The following ZNF329 variants were observed in gnomAD, a reference collection of about 807,000 sequenced individuals.
The protein encoded by ZNF329 is zinc finger protein 329.
In ZNF329, 15 loss-of-function variants were observed where a neutral mutation model predicts 26.6. The ratio of observed to expected loss-of-function variants is 0.56; its 90% CI spans 0.38 to 0.87. The LOEUF (loss-of-function observed/expected upper bound fraction) is 0.87, where lower values mean the gene tolerates loss of function less well. ZNF329 is among the 40% of genes least tolerant of loss of function. ZNF329 has a pLI of 0.00. For missense variants in ZNF329, 651 were observed against 651.9 expected, an observed-to-expected ratio of 1.00 and a Z score of 0.02; for synonymous variants, 239 against 233.5, an observed-to-expected ratio of 1.02 and a Z score of -0.21.
At chr19:58,132,870 T>A (rs2074979782) in intron 3 of ZNF329, among the ~76,000 whole-genome samples, 1 of 151,884 alleles carries the variant, frequency 6.6e-6, no homozygotes, top group South Asian at 2.1e-4. Flanking sequence ...TGGAGTGCAG[T>A]GGTGCGATCT....
intron 3 of ZNF329, among the ~76,000 whole-genome samples, chr19:58,134,047 A>T (rs1036842438): frequency 3.9e-5 from 6 of 152,216 alleles, no homozygotes; most frequent in Admixed American, 3.9e-4. Context: ...TTAAAAGAAT[A>T]AATGTAGTAT....
intron 1 of ZNF329, among the ~76,000 whole-genome samples, chr19:58,147,838 C>A (rs1424486861): frequency 6.6e-6 from 1 of 150,944 alleles, no homozygotes; most frequent in East Asian, 1.9e-4. Context: ...TGCCCAGCCG[C>A]CCCTACTGGG....
chr19:58,144,512 C>T (rs2075263093), intron 1 of ZNF329, among the ~76,000 whole-genome samples: 3 of 151,576 alleles, frequency 2.0e-5, no homozygotes, highest in South Asian at 4.2e-4. Context: ...CTCAGCCTCC[C>T]GAGTAGTTGG....
chr19:58,129,520 A>T lies in ZNF329; in HGVS notation c.-8-9T>A. ...CAATCTCATATCCCAAACTGCAAAA[A>T]GAAGAAAAATGCAGACTTAGGTATA... On this transcript the variant is annotated splice_polypyrimidine_tract_variant and intron_variant, in intron 3 of 3. Coordinates refer to ENST00000598312, the MANE Select transcript of ZNF329 (RefSeq NM_024620.4). The T allele has an allele frequency of 6.4e-7, 1 of 1,565,016 alleles. No homozygotes were observed. The highest frequency in any genetic ancestry group is 8.6e-7 in the Non-Finnish European group (1 of 1,157,550).
chr19:58,149,611 A>G (rs1485137819), intron 1 of ZNF329, among the ~76,000 whole-genome samples: 1 of 152,228 alleles, frequency 6.6e-6, no homozygotes, highest in Non-Finnish European at 1.5e-5. Context: ...GTAAACAAGC[A>G]GTAGAATGGA....
intron 3 of ZNF329, among the ~76,000 whole-genome samples, chr19:58,131,134 T>C (rs950594757): frequency 2.6e-5 from 4 of 151,914 alleles, no homozygotes; most frequent in Non-Finnish European, 5.9e-5. Flanking sequence ...TGTGTGTGTG[T>C]GTGTGTGCGC....
Position 58,145,291 on chromosome 19 carries a change from CA to C in ZNF329, c.-207-2094del, listed in dbSNP as rs993992242. ...GGCGTGAGCCACCACTACATCAAGCCAAAAAAAATTTCTTTTTTCTTCCTTT... is the reference window on the plus strand; with the variant it reads ...GGCGTGAGCCACCACTACATCAAGCCAAAAAAATTTCTTTTTTCTTCCTTT... On this transcript the variant is annotated intron_variant, in intron 1 of 3. Coordinates refer to ENST00000598312, the MANE Select transcript of ZNF329 (RefSeq NM_024620.4). Among the ~76,000 whole-genome samples the C allele has an allele frequency of 1.8e-4, 26 of 145,566 alleles. 1 individual carries two copies. The highest frequency in any genetic ancestry group is 1.7e-3 in the Admixed American group (24 of 14,518).
Position 58,128,614 on chromosome 19 carries a change from T to A in ZNF329, c.890A>T (p.Asn297Ile). The A allele has an allele frequency of 6.2e-7, 1 of 1,610,114 alleles. No homozygotes were observed. The highest frequency in any genetic ancestry group is 8.5e-7 in the Non-Finnish European group (1 of 1,177,888). Residue 297 changes from asparagine (N) to isoleucine (I), a missense_variant, in exon 4 of 4, where the codon AAC becomes ATC. By Grantham distance (149) the Asn-to-Ile change is moderately radical. Transcript: ENST00000598312. ...YECLECGKTF[N>I]RNSSLILHQR... ...GTGCAAAATTAAGGATGAATTTCGG[T>A]TGAAGGTTTTTCCACACTCTAGGCA...
At chr19:58,151,976 A>G (rs989182654), upstream of ZNF329, among the ~76,000 whole-genome samples, 9 of 152,208 alleles carry the variant, frequency 5.9e-5, no homozygotes, top group Non-Finnish European at 1.0e-4. Context: ...AGATTATTCT[A>G]TTACTCTCCG....
At chr19:58,134,955 A>C (rs1359651893) in intron 3 of ZNF329, among the ~76,000 whole-genome samples, 1 of 152,152 alleles carries the variant, frequency 6.6e-6, no homozygotes, top group African/African-American at 2.4e-5. Flanking sequence ...ACAAACAAAC[A>C]ATCAACAACA....
chr19:58,128,025 C>T lies in ZNF329; in HGVS notation c.1479G>A (p.Lys493=). 2 of 1,613,982 alleles carry T rather than the reference C, an allele frequency of 1.2e-6. No individual in the cohort carries two copies. Among genetic ancestry groups the T allele is most frequent in the South Asian group, 2.2e-5 (2 of 91,072 alleles). ...YQCPECGKSF[K]QNSHLAVHQR... is the part of the protein sequence containing the mutation. Reference sequence around the variant, plus strand: ...GATGTACTGCCAGGTGAGAGTTCTGCTTGAAGGACTTCCCACATTCTGGAC... The same window carrying T: ...GATGTACTGCCAGGTGAGAGTTCTGTTTGAAGGACTTCCCACATTCTGGAC... The change falls in exon 4 of 4, where the codon AAG becomes AAA. Residue 493 remains lysine, a synonymous_variant. Coordinates refer to ENST00000598312, the MANE Select transcript of ZNF329 (RefSeq NM_024620.4).
chr19:58,141,113 C>T (rs2075175850), intron 3 of ZNF329, among the ~76,000 whole-genome samples: 1 of 151,914 alleles, frequency 6.6e-6, no homozygotes, highest in South Asian at 2.1e-4. Flanking sequence ...GTCTCAGCCT[C>T]GCAAAGTGCT....
At position 58,129,188 on chromosome 19, in the gene ZNF329, C is replaced by T. The variant is rs563061959; in HGVS notation, c.316G>A (p.Ala106Thr). Reference sequence around the variant, plus strand: ...TAACTTTTAGGATAGCTGGGTAAGGCGGGGTCACAATCCAGACCACTAACA... The same window carrying T: ...TAACTTTTAGGATAGCTGGGTAAGGTGGGGTCACAATCCAGACCACTAACA... ...SNVSGLDCDP[A>T]LPSYPKSYAD... The change falls in exon 4 of 4, where the codon GCC becomes ACC. Residue 106 changes from alanine (A) to threonine (T), a missense_variant. Ala to Thr is a moderately conservative substitution (Grantham distance 58). Transcript: ENST00000598312. 8.7e-6 allele frequency: 14 copies of T among 1,614,166 alleles called. No homozygotes were observed. Among genetic ancestry groups the T allele is most frequent in the South Asian group, 3.3e-5 (3 of 91,080 alleles).
At chr19:58,143,539 C>T (rs2075232918) in intron 1 of ZNF329, among the ~76,000 whole-genome samples, 1 of 152,162 alleles carries the variant, frequency 6.6e-6, no homozygotes, top group African/African-American at 2.4e-5. Flanking sequence ...GTCAAGGCTC[C>T]TCCTTAAAGT....
chr19:58,138,077 G>A (rs986468209), intron 3 of ZNF329, among the ~76,000 whole-genome samples: 10 of 152,136 alleles, frequency 6.6e-5, no homozygotes, highest in Admixed American at 4.6e-4. Flanking sequence ...TAACAAAATG[G>A]CAAAGTTGGA....
chr19:58,143,974 G>A (rs1038198883), intron 1 of ZNF329, among the ~76,000 whole-genome samples: 2 of 151,622 alleles, frequency 1.3e-5, no homozygotes, highest in South Asian at 2.1e-4. Context: ...TCAGCTACTC[G>A]GGAGGCTGAG....
Position 58,128,124 on chromosome 19 carries a change from A to G in ZNF329, c.1380T>C (p.Cys460=). ...TGEKPYECNQ[C]GKAFRDSSCL... ...AGGAGCTGTCCCTGAAGGCTTTGCC[A>G]CACTGATTACACTCATAGGGCTTCT... Residue 460 remains cysteine, a synonymous_variant, in exon 4 of 4, where the codon TGT becomes TGC. Coordinates refer to ENST00000598312, the MANE Select transcript of ZNF329 (RefSeq NM_024620.4). The G allele has an allele frequency of 6.3e-7, 1 of 1,593,090 alleles. No homozygotes were observed. The highest frequency in any genetic ancestry group is 1.1e-5 in the South Asian group (1 of 87,580).
chr19:58,144,325 C>T (rs912413206), intron 1 of ZNF329, among the ~76,000 whole-genome samples: 1 of 148,008 alleles, frequency 6.8e-6, no homozygotes, highest in Non-Finnish European at 1.5e-5. Context: ...CAGGTACCTG[C>T]CACCACACGC....
intron 1 of ZNF329, among the ~76,000 whole-genome samples, chr19:58,150,251 T>C (rs1210135790): frequency 6.6e-6 from 1 of 152,018 alleles, no homozygotes; most frequent in African/African-American, 2.4e-5. Context: ...ACACAGGTGA[T>C]CTAACACCTT....
Sources: gnomAD v4.1 joint callset for allele counts (sites outside exome capture counted in the v4.1 genomes callset) on GRCh38, gnomAD v4.1.1 for gene constraint, MANE v1.5 for transcripts, NCBI Gene and HGNC (gene_info 2026-07-23, HGNC 2026-07-21) for gene names.